Variants in XXYLT1 observed in about 807,000 individuals in gnomAD.
The protein encoded by XXYLT1 is UDP-xylose:alpha-xyloside alpha-1,3-xylosyltransferase.
A neutral mutation model predicts 28.9 loss-of-function variants in XXYLT1; 20 were observed. That is an observed-to-expected ratio of 0.69 (90% confidence interval 0.49 to 1.00). The LOEUF is 1.00. XXYLT1 is among the 50% of genes least tolerant of loss of function. The probability of loss-of-function intolerance (pLI) is 0.00; values close to 1 mark genes in which losing one functional copy is unlikely to be tolerated. For missense variants in XXYLT1, 542 were observed against 560.1 expected, an observed-to-expected ratio of 0.97 and a Z score of 0.33; for synonymous variants, 257 against 253.8, an observed-to-expected ratio of 1.01 and a Z score of -0.12.
intron 1 of XXYLT1, among the ~76,000 whole-genome samples, chr3:195,227,896 G>C (rs1351061818): frequency 6.6e-6 from 1 of 152,218 alleles, no homozygotes. Context: ...TACTCCAGAA[G>C]ATGAGAAGTA....
chr3:195,082,709 T>G (rs1475160105), intron 3 of XXYLT1, among the ~76,000 whole-genome samples: 2 of 151,546 alleles, frequency 1.3e-5, no homozygotes, highest in South Asian at 2.1e-4. Flanking sequence ...ATTAGCCGGG[T>G]GTGGTGGCGC....
chr3:195,160,944 A>T (rs907305824), intron 2 of XXYLT1, among the ~76,000 whole-genome samples: 1 of 152,230 alleles, frequency 6.6e-6, no homozygotes, highest in African/African-American at 2.4e-5. Context: ...TTTCCCTCCC[A>T]GGACAAGGCC....
chr3:195,270,539 G>C lies in XXYLT1; in HGVS notation c.504+16C>G, dbSNP rs767825968. 7.3e-7 allele frequency: 1 copy of C among 1,373,966 alleles called. No individual in the cohort carries two copies. The highest frequency in any genetic ancestry group is 1.5e-5 in the African/African-American group (1 of 65,740). The allele number at this position is 1,373,966 out of a possible 1,614,324, so 85.1% of individuals were successfully genotyped here. On this transcript the variant is annotated intron_variant, in intron 1 of 3. Transcript: ENST00000310380. ...GTGGGCCACCCACCGGGAGCCCCCA[G>C]CCGCGGCCCGCTCACCTTGCACTTG...
At chr3:195,159,916 C>T (rs1720786536) in intron 2 of XXYLT1, among the ~76,000 whole-genome samples, 2 of 152,056 alleles carry the variant, frequency 1.3e-5, no homozygotes, top group Admixed American at 6.5e-5. Flanking sequence ...CTGAGCTGGA[C>T]GTTTCTCTGT....
chr3:195,226,742 G>A lies in XXYLT1; in HGVS notation c.619C>T (p.Leu207Phe), dbSNP rs1383156884. Reference sequence around the variant, plus strand: ...ATGATCTGATGCATGGCGACCGAGAGGAAGAAGATGGAGTCACTGTAGTAG... The same window carrying A: ...ATGATCTGATGCATGGCGACCGAGAAGAAGAAGATGGAGTCACTGTAGTAG... ...GTYYSDSIFFLSVAMHQIMPK... is the reference protein window; with the variant it reads ...GTYYSDSIFFFSVAMHQIMPK... The change falls in exon 2 of 4, where the codon CTC (leucine) becomes TTC (phenylalanine). Residue 207 changes from leucine (L) to phenylalanine (F), a missense_variant. Physicochemically the swap from Leu to Phe is conservative, Grantham distance 22. Transcript: ENST00000310380. 1 of 1,613,878 alleles carries A rather than the reference G, an allele frequency of 6.2e-7. No homozygotes were observed. The highest frequency in any genetic ancestry group is 2.2e-5 in the East Asian group (1 of 44,864).
Position 195,069,974 on chromosome 3 carries a change from C to T in XXYLT1, c.923G>A (p.Arg308His), listed in dbSNP as rs543414719. The T allele has an allele frequency of 3.7e-6, 6 of 1,610,786 alleles. No homozygotes were observed. The highest frequency in any genetic ancestry group is 2.2e-5 in the East Asian group (1 of 44,878). Residue 308 changes from arginine to histidine, a missense_variant, in exon 4 of 4, where the codon CGC (arginine) becomes CAC (histidine). Coordinates refer to ENST00000310380, the MANE Select transcript of XXYLT1 (RefSeq NM_152531.5). The stretch of plus-strand genomic sequence containing the variant: ...CTGCACCTGCGCCGGCTCCAGCAGG[C>T]GGCTGTAGAGCGGGGACTGGCGCAT... ...EAMRQSPLYS[R>H]LLEPAQVQQL...
chr3:195,143,884 A>ATT (rs1560117363), intron 3 of XXYLT1, among the ~76,000 whole-genome samples: 1 of 118,834 alleles, frequency 8.4e-6, no homozygotes, highest in African/African-American at 3.5e-5. Context: ...ATATATATAT[A>ATT]TATATTTATT....
intron 2 of XXYLT1, chr3:195,175,517 G>A: frequency 1.4e-6 from 2 of 1,480,342 alleles, no homozygotes; most frequent in Admixed American, 4.2e-5. Context: ...TGACTTTGCT[G>A]CACCCATGGG....
intron 3 of XXYLT1, among the ~76,000 whole-genome samples, chr3:195,098,531 A>T (rs933191977): frequency 6.6e-6 from 1 of 152,196 alleles, no homozygotes; most frequent in Non-Finnish European, 1.5e-5. Context: ...CCAGCCTGGG[A>T]GACAGAGAGA....
At chr3:195,227,490 T>C (rs1259380906) in intron 1 of XXYLT1, among the ~76,000 whole-genome samples, 1 of 152,180 alleles carries the variant, frequency 6.6e-6, no homozygotes, top group Non-Finnish European at 1.5e-5. Context: ...GTATAAGGAA[T>C]AACCAGGTAC....
Position 195,168,300 on chromosome 3 carries a change from C to T in XXYLT1, c.653-11719G>A, listed in dbSNP as rs1721229196. ...ACTCATACCTTGTTTGTTCTCAGAA[C>T]AGCACAAATATATCATCAGACACAG... On this transcript the variant is annotated intron_variant, in intron 2 of 3. Transcript: ENST00000310380. The surrounding 1 kb of genome is among the most constrained non-coding windows in gnomAD (Gnocchi z 4.3). 6.6e-6 allele frequency among the ~76,000 whole-genome samples: 1 copy of T among 152,134 alleles called. No individual in the cohort carries two copies. Among genetic ancestry groups the T allele is most frequent in the Admixed American group, 6.5e-5 (1 of 15,284 alleles).
intron 3 of XXYLT1, among the ~76,000 whole-genome samples, chr3:195,081,195 C>G (rs183760858): frequency 6.6e-6 from 1 of 151,066 alleles, no homozygotes; most frequent in Non-Finnish European, 1.5e-5. Flanking sequence ...GGATCGCTAA[C>G]GCTGCTGGTC....
chr3:195,098,684 G>A (rs1056550438), intron 3 of XXYLT1, among the ~76,000 whole-genome samples: 3 of 152,228 alleles, frequency 2.0e-5, no homozygotes, highest in Admixed American at 6.5e-5. Flanking sequence ...AGCCCTCCTC[G>A]CTGCGCTGGC....
intron 3 of XXYLT1, among the ~76,000 whole-genome samples, chr3:195,081,738 G>A (rs2108648197): frequency 6.6e-6 from 1 of 152,320 alleles, no homozygotes; most frequent in Admixed American, 6.5e-5. Flanking sequence ...GATAAGGAAA[G>A]CCACAATGTC....
intron 3 of XXYLT1, chr3:195,153,861 T>C (rs554679105): frequency 1.3e-5 from 2 of 152,362 alleles, no homozygotes; most frequent in Admixed American, 1.3e-4. Flanking sequence ...ATGACGTCAG[T>C]TCTCCCCGAT....
rs111775344 is a variant in XXYLT1 at position 195,175,949 on chromosome 3, C to T, written c.653-19368G>A. ...GAAATTTCAGTCATGTTTGTTATTA[C>T]AGCCCAGCTTAGTCTAGCCTTACTA... On this transcript the variant is annotated intron_variant, in intron 2 of 3. Transcript: ENST00000310380. 3.7e-3 allele frequency: 5,003 copies of T among 1,363,214 alleles called. 157 individuals carry two copies. The African/African-American group carries it at 0.064, about 18-fold the overall frequency. 84.4% of individuals were successfully genotyped at this position (1,363,214 alleles called of 1,614,324 possible).
intron 1 of XXYLT1, among the ~76,000 whole-genome samples, chr3:195,247,594 G>A (rs1725080499): frequency 6.6e-6 from 1 of 152,230 alleles, no homozygotes; most frequent in Admixed American, 6.5e-5. Context: ...TGGCTCTCTG[G>A]GTTGGGGACA....
intron 3 of XXYLT1, among the ~76,000 whole-genome samples, chr3:195,147,229 C>T (rs923119196): frequency 6.6e-6 from 1 of 152,134 alleles, no homozygotes; most frequent in Non-Finnish European, 1.5e-5. Context: ...TTCGTAATTC[C>T]TCATGGGACC....
At chr3:195,109,669 TG>T (rs1717373946) in intron 3 of XXYLT1, among the ~76,000 whole-genome samples, 1 of 111,704 alleles carries the variant, frequency 9.0e-6, no homozygotes, top group African/African-American at 3.5e-5. Context: ...GTGTGTGTGG[TG>T]TGTGTGTTGT....
Sources: allele counts gnomAD v4.1 joint callset (sites outside exome capture counted in the v4.1 genomes callset), GRCh38; gene constraint gnomAD v4.1.1; non-coding constraint Gnocchi (gnomAD v3.1); transcripts MANE v1.5; gene names NCBI Gene and HGNC (gene_info 2026-07-23, HGNC 2026-07-21).